Variants in CAPZA2 observed in about 807,000 individuals in gnomAD.
CAPZA2 encodes the protein capping actin protein of muscle Z-line subunit alpha 2, also known as F-actin-capping protein subunit alpha-2.
CAPZA2 carries 13 observed loss-of-function variants against 44.0 expected under a neutral mutation model. The observed-to-expected ratio is 0.30, with a 90% CI of 0.19 to 0.47. The LOEUF is 0.47. CAPZA2 is among the 20% of genes least tolerant of loss of function. The pLI is 1.00. For synonymous variants in CAPZA2, 94 were observed against 108.2 expected (o/e 0.87, Z 0.81); for missense variants, 244 against 338.6 (o/e 0.72, Z 2.19).
chr7:116,904,969 T>TCAAAAAAAAAAA (rs758823766), intron 5 of CAPZA2, among the ~76,000 whole-genome samples: 1 of 95,630 alleles, frequency 1.0e-5, no homozygotes, highest in East Asian at 3.3e-4. Flanking sequence ...TGTCTCTACT[T>TCAAAAAAAAAAA]AAAAAAAAAA....
At chr7:116,865,250 A>G (rs568101052) in intron 1 of CAPZA2, among the ~76,000 whole-genome samples, 4 of 133,302 alleles carry the variant, frequency 3.0e-5, no homozygotes, top group South Asian at 4.8e-4. Context: ...CAGTGGTGCA[A>G]TCTTGGCTCA....
chr7:116,881,400 CTT>C (rs1386734383), intron 1 of CAPZA2, among the ~76,000 whole-genome samples: 1 of 152,012 alleles, frequency 6.6e-6, no homozygotes. Flanking sequence ...TTTCCCCAGT[CTT>C]TAAATACTTG....
intron 1 of CAPZA2, among the ~76,000 whole-genome samples, chr7:116,887,679 A>T (rs928579150): frequency 3.3e-5 from 5 of 152,054 alleles, no homozygotes; most frequent in African/African-American, 1.2e-4. Context: ...TAAAAATACA[A>T]AAAATTAGCT....
chr7:116,901,428 CA>C (rs1164767300), intron 4 of CAPZA2, among the ~76,000 whole-genome samples: 3 of 152,082 alleles, frequency 2.0e-5, no homozygotes, highest in Non-Finnish European at 4.4e-5. Flanking sequence ...AATCAAATAT[CA>C]CATGTTCTCA....
In CAPZA2 at chr7:116,918,375, G is replaced by A. The variant is rs929356628; in HGVS notation, c.*508G>A. The A allele has an allele frequency of 6.5e-6, 1 of 153,462 alleles. No individual in the cohort carries two copies. The highest frequency in any genetic ancestry group is 2.4e-5 in the African/African-American group (1 of 41,444). 9.5% of individuals were successfully genotyped at this position (153,462 alleles called of 1,614,324 possible). A position where few individuals can be genotyped will look rare whatever the true frequency, so the allele number is the denominator to read the frequency against. On this transcript the variant is annotated 3_prime_UTR_variant, in exon 10 of 10. Coordinates refer to ENST00000361183, the MANE Select transcript of CAPZA2 (RefSeq NM_006136.3). ...ATGTAAAGTTGAGATTAGAGGGAAA[G>A]CATTTTCTATATCAATTGTGTTTAA...
intron 8 of CAPZA2, 82 bp downstream of exon 8, chr7:116,912,222 T>C: frequency 1.3e-6 from 2 of 1,559,276 alleles, no homozygotes; most frequent in Non-Finnish European, 1.7e-6. Flanking sequence ...TTTTAAGTAA[T>C]ATTTCTGCTT....
intron 4 of CAPZA2, among the ~76,000 whole-genome samples, chr7:116,901,215 C>A (rs1201116615): frequency 1.3e-5 from 2 of 152,064 alleles, no homozygotes; most frequent in Non-Finnish European, 2.9e-5. Context: ...CACATATGTT[C>A]ATTACAGCAC....
chr7:116,888,204 T>A lies in CAPZA2; in HGVS notation c.103+14T>A. 2 of 1,568,242 alleles carry A rather than the reference T, an allele frequency of 1.3e-6. No individual in the cohort carries two copies. The highest frequency in any genetic ancestry group is 1.8e-6 in the Non-Finnish European group (2 of 1,140,864). Reference sequence around the variant, plus strand: ...AGGTTTTCAATGGTGAGTGTTTGATTTATAACACTAGGCTTGATATATCAA... The same window carrying A: ...AGGTTTTCAATGGTGAGTGTTTGATATATAACACTAGGCTTGATATATCAA... On this transcript the variant is annotated intron_variant, in intron 2 of 9. Transcript: ENST00000361183.
chr7:116,866,512 A>G (rs747920769), intron 1 of CAPZA2, among the ~76,000 whole-genome samples: 5 of 152,230 alleles, frequency 3.3e-5, no homozygotes, highest in Non-Finnish European at 7.3e-5. Flanking sequence ...CCCTAGGCCA[A>G]AAACAGTTCA....
chr7:116,863,313 G>C (rs1038730053), intron 1 of CAPZA2, among the ~76,000 whole-genome samples: 2 of 152,034 alleles, frequency 1.3e-5, no homozygotes, highest in African/African-American at 4.8e-5. Flanking sequence ...AGGAGGCAGC[G>C]GAGTTGCTCA....
chr7:116,873,776 T>G (rs1796582438), intron 1 of CAPZA2: 1 of 155,900 alleles, frequency 6.4e-6, no homozygotes, highest in Non-Finnish European at 1.4e-5. Flanking sequence ...AAACACATCT[T>G]GAAGAGGTGA....
At chr7:116,901,140 A>G (rs1392849870) in intron 4 of CAPZA2, among the ~76,000 whole-genome samples, 1 of 152,182 alleles carries the variant, frequency 6.6e-6, no homozygotes, top group African/African-American at 2.4e-5. Flanking sequence ...CATTTGACCC[A>G]GCAATCCCAT....
chr7:116,877,036 T>A (rs942374205), intron 1 of CAPZA2, among the ~76,000 whole-genome samples: 111 of 152,290 alleles, frequency 7.3e-4, no homozygotes, highest in African/African-American at 2.6e-3. Flanking sequence ...CTGTGTCTGT[T>A]CCCTGTGATA....
rs186902439 is a variant in CAPZA2 at position 116,899,937 on chromosome 7, G to A, written c.219+1102G>A. 6.6e-5 allele frequency among the ~76,000 whole-genome samples: 10 copies of A among 151,534 alleles called. No individual in the cohort carries two copies. In the East Asian group the frequency reaches 1.7e-3, roughly 26 times the overall value. On this transcript the variant is annotated intron_variant, in intron 4 of 9. Coordinates refer to ENST00000361183, the MANE Select transcript of CAPZA2 (RefSeq NM_006136.3). Reference sequence around the variant, plus strand: ...CTTTAAGTAAGATACTAACAAATAGGATTTAGAGATATATCCAAAGAATAA... The same window carrying A: ...CTTTAAGTAAGATACTAACAAATAGAATTTAGAGATATATCCAAAGAATAA...
At chr7:116,899,434 G>T (rs988305291) in intron 4 of CAPZA2, among the ~76,000 whole-genome samples, 3 of 151,860 alleles carry the variant, frequency 2.0e-5, no homozygotes. Context: ...AAGAACATAA[G>T]AGAAAGTTCT....
At chr7:116,888,068 G>A (rs1585006756) in intron 1 of CAPZA2, 59 bp from the exon 2 acceptor site, 1 of 1,210,734 alleles carries the variant, frequency 8.3e-7, no homozygotes, top group South Asian at 1.3e-5. Context: ...TGCATGTTTT[G>A]TGCTTATTTT....
At chr7:116,898,877 C>A in intron 4 of CAPZA2, 42 bp downstream of exon 4, 1 of 1,186,508 alleles carries the variant, frequency 8.4e-7, no homozygotes, top group South Asian at 1.3e-5. Context: ...TGTTTATAAC[C>A]GTTAAGGTAT....
At chr7:116,908,211 T>C (rs571787825) in intron 6 of CAPZA2, among the ~76,000 whole-genome samples, 1 of 151,978 alleles carries the variant, frequency 6.6e-6, no homozygotes, top group South Asian at 2.1e-4. Flanking sequence ...CAGTGAGCTA[T>C]AATCACGCCA....
chr7:116,864,095 A>G (rs1266578317), intron 1 of CAPZA2, among the ~76,000 whole-genome samples: 1 of 152,206 alleles, frequency 6.6e-6, no homozygotes, highest in African/African-American at 2.4e-5. Context: ...TATAATCTTG[A>G]TAAATAATCC....
Sources: allele counts gnomAD v4.1 joint callset (sites outside exome capture counted in the v4.1 genomes callset), GRCh38; gene constraint gnomAD v4.1.1; transcripts MANE v1.5; gene names NCBI Gene and HGNC (gene_info 2026-07-23, HGNC 2026-07-21).